OXNAD1: variants seen among roughly 807,000 people sequenced by gnomAD.
The protein encoded by OXNAD1 is oxidoreductase NAD binding domain containing 1, also known as oxidoreductase NAD-binding domain-containing protein 1.
A neutral mutation model predicts 32.9 loss-of-function variants in OXNAD1; 34 were observed. That is an observed-to-expected ratio of 1.03 (90% confidence interval 0.79 to 1.38). OXNAD1 has a LOEUF of 1.38. Ranked by LOEUF, OXNAD1 falls within the 40% of genes most tolerant of loss-of-function variation. The probability of loss-of-function intolerance (pLI) is 0.00; values close to 1 mark genes in which losing one functional copy is unlikely to be tolerated. For synonymous variants in OXNAD1, 134 were observed against 135.2 expected, an observed-to-expected ratio of 0.99 and a Z score of 0.06; for missense variants, 407 against 379.4, an observed-to-expected ratio of 1.07 and a Z score of -0.60.
intron 9 of OXNAD1, among the ~76,000 whole-genome samples, chr3:16,331,701 G>C (rs997676656): frequency 4.6e-5 from 7 of 152,052 alleles, no homozygotes; most frequent in Admixed American, 3.3e-4. Context: ...CTCTAATCTG[G>C]TCTGGCTGCT....
intron 6 of OXNAD1, among the ~76,000 whole-genome samples, chr3:16,300,635 A>T (rs1444093942): frequency 3.3e-5 from 5 of 152,198 alleles, no homozygotes; most frequent in Non-Finnish European, 7.4e-5. Context: ...ATTGTAGATA[A>T]TGGTGTGCTG....
chr3:16,318,837 CT>C (rs997973112), intron 9 of OXNAD1, among the ~76,000 whole-genome samples: 2 of 152,210 alleles, frequency 1.3e-5, no homozygotes, highest in Non-Finnish European at 2.9e-5. Flanking sequence ...ACAGACTTCC[CT>C]TAGGAGATGG....
At chr3:16,324,104 T>C (rs1164089741) in intron 9 of OXNAD1, among the ~76,000 whole-genome samples, 1 of 151,886 alleles carries the variant, frequency 6.6e-6, no homozygotes. Context: ...AGAAGATCAC[T>C]GTTTTTTTTT....
chr3:16,271,528 A>G lies in OXNAD1; in HGVS notation c.120-131A>G, dbSNP rs2064941664. ...CAAAACTTTAGTTAGACGGGCAGAT[A>G]CTCACTGGCCATTTTATAGGATCTG... On this transcript the variant is annotated intron_variant, in intron 3 of 8. Coordinates refer to ENST00000285083, the MANE Select transcript of OXNAD1 (RefSeq NM_138381.5). The surrounding 1 kb of genome is among the most constrained non-coding windows in gnomAD (Gnocchi z 4.6). The G allele has an allele frequency of 4.1e-6, 3 of 739,476 alleles. No homozygotes were observed. The highest frequency in any genetic ancestry group is 6.2e-6 in the Non-Finnish European group (3 of 483,338). The allele number at this position is 739,476 out of a possible 1,614,324, so 45.8% of individuals were successfully genotyped here.
chr3:16,340,792 G>A (rs758836515), downstream of OXNAD1, among the ~76,000 whole-genome samples: 13 of 152,186 alleles, frequency 8.5e-5, no homozygotes, highest in South Asian at 4.1e-4. Context: ...TCAAGGTGAA[G>A]TCAAAGGTGA....
intron 4 of OXNAD1, chr3:16,272,090 CTTT>C (rs763494963): frequency 4.2e-3 from 1,528 of 367,476 alleles, no homozygotes; most frequent in East Asian, 5.8e-3. Flanking sequence ...TGTGTGGGGT[CTTT>C]TTTTTTTTTT....
rs1238838349 is a variant in OXNAD1 at position 16,271,727 on chromosome 3, G to A, written c.183+5G>A. The A allele has an allele frequency of 6.2e-7, 1 of 1,605,528 alleles. No homozygotes were observed. Among genetic ancestry groups the A allele is most frequent in the South Asian group, 1.1e-5 (1 of 89,158 alleles). ...GCAAGTGTCCTTCGACGGGAGGTTTGTATCTTTGGGGTATGACAGGTTTTT... is the reference window on the plus strand; with the variant it reads ...GCAAGTGTCCTTCGACGGGAGGTTTATATCTTTGGGGTATGACAGGTTTTT... On this transcript the variant is annotated splice_donor_5th_base_variant and intron_variant, in intron 4 of 8. Coordinates refer to ENST00000285083, the MANE Select transcript of OXNAD1 (RefSeq NM_138381.5). This position sits in a 1 kb window ranked among gnomAD's most constrained non-coding sequence, Gnocchi z 4.6.
chr3:16,335,122 G>A lies in OXNAD1; in HGVS notation c.*31-1990G>A, dbSNP rs536580977. Among the ~76,000 whole-genome samples, 2 of 152,316 alleles carry A rather than the reference G, an allele frequency of 1.3e-5. No homozygotes were observed. The highest frequency in any genetic ancestry group is 1.9e-4 in the East Asian group (1 of 5,186). On this transcript the variant is annotated intron_variant, in intron 9 of 9. Coordinates refer to the OXNAD1 transcript ENST00000435829. The surrounding 1 kb of genome is among the most constrained non-coding windows in gnomAD (Gnocchi z 4.7). ...AACAAATGTAAGACAATAAACTTGC[G>A]TTGTTTTAAGTCACTAAATCTGTGA...
rs749640959 is a variant in OXNAD1 at position 16,298,509 on chromosome 3, T to C, written c.433-3117T>C. Among the ~76,000 whole-genome samples, 20 of 152,190 alleles carry C rather than the reference T, an allele frequency of 1.3e-4. No homozygotes were observed. The highest frequency in any genetic ancestry group is 2.5e-4 in the Non-Finnish European group (17 of 68,032). The stretch of plus-strand genomic sequence containing the variant: ...ATCCTAATTGTAGTGCCTGCTCTAC[T>C]CTGCCCAGTGGGAGTTGCAAACAGC... On this transcript the variant is annotated intron_variant, in intron 6 of 8. Transcript: ENST00000285083. The surrounding 1 kb of genome is among the most constrained non-coding windows in gnomAD (Gnocchi z 5.1).
chr3:16,269,326 G>C, intron 2 of OXNAD1, 51 bp downstream of exon 2: 1 of 1,517,740 alleles, frequency 6.6e-7, no homozygotes, highest in Admixed American at 2.0e-5. Context: ...TATTGACTTA[G>C]AACATTTAAT....
At chr3:16,331,939 T>C (rs991480074) in intron 9 of OXNAD1, among the ~76,000 whole-genome samples, 1 of 152,258 alleles carries the variant, frequency 6.6e-6, no homozygotes, top group South Asian at 2.1e-4. Flanking sequence ...TGAAAGTACC[T>C]CTAGTAGTTT....
In OXNAD1 at chr3:16,335,444, G is replaced by A. The variant is rs1042748565; in HGVS notation, c.*31-1668G>A. On this transcript the variant is annotated intron_variant, in intron 9 of 9. Coordinates refer to the OXNAD1 transcript ENST00000435829. This position sits in a 1 kb window ranked among gnomAD's most constrained non-coding sequence, Gnocchi z 4.7. ...ATGCTATGCAGCCTTAAAAAGGAAC[G>A]AATCACGTCCTTTGTGGGGACATGG... Among the ~76,000 whole-genome samples the A allele has an allele frequency of 1.4e-4, 22 of 152,328 alleles. No individual in the cohort carries two copies. The highest frequency in any genetic ancestry group is 5.3e-4 in the African/African-American group (22 of 41,576).
At chr3:16,276,367 T>C in intron 4 of OXNAD1, 1 of 204,378 alleles carries the variant, frequency 4.9e-6, no homozygotes, top group South Asian at 7.4e-5. Context: ...GAAGGATCTT[T>C]TACTTGATTG....
Position 16,342,817 on chromosome 3 carries a change from C to T in OXNAD1, c.*31-6359C>T, listed in dbSNP as rs1575064000. 6.6e-6 allele frequency among the ~76,000 whole-genome samples: 1 copy of T among 152,174 alleles called. No individual in the cohort carries two copies. The highest frequency in any genetic ancestry group is 1.5e-5 in the Non-Finnish European group (1 of 68,022). The stretch of plus-strand genomic sequence containing the variant: ...AGTTGGAAGGGGTCAGGGTGGACCT[C>T]TAGTCCAGTGGCTGCTAGGCCTGGC... On this transcript the variant is annotated intron_variant, in intron 9 of 9. Transcript: ENST00000606098. The surrounding 1 kb of genome is among the most constrained non-coding windows in gnomAD (Gnocchi z 4.0).
intron 6 of OXNAD1, 83 bp downstream of exon 6, chr3:16,295,080 TA>T (rs1278968477): frequency 6.9e-7 from 1 of 1,447,326 alleles, no homozygotes; most frequent in African/African-American, 1.4e-5. Flanking sequence ...TTGATTCACC[TA>T]AGAAACCTGG....
In OXNAD1 at chr3:16,346,594, A is replaced by T. The variant is rs2071736220; in HGVS notation, c.*31-2582A>T. On this transcript the variant is annotated intron_variant, in intron 9 of 9. Coordinates refer to the OXNAD1 transcript ENST00000606098. The surrounding 1 kb of genome is among the most constrained non-coding windows in gnomAD (Gnocchi z 4.4). ...ATGGCCCAGGGCTTCTTCCTCACTG[A>T]CACCCCCCAGGCCTGGACAACCATG... Among the ~76,000 whole-genome samples, 1 of 152,026 alleles carries T rather than the reference A, an allele frequency of 6.6e-6. No homozygotes were observed. Among genetic ancestry groups the T allele is most frequent in the Non-Finnish European group, 1.5e-5 (1 of 67,992 alleles).
chr3:16,308,098 T>C (rs1271684372), downstream of OXNAD1, among the ~76,000 whole-genome samples: 1 of 152,202 alleles, frequency 6.6e-6, no homozygotes, highest in African/African-American at 2.4e-5. This position sits in a 1 kb window ranked among gnomAD's most constrained non-coding sequence, Gnocchi z 4.4. Flanking sequence ...AAAGGTTATC[T>C]TAGGAGCAAG....
At chr3:16,281,543 C>G (rs1214081488) in intron 4 of OXNAD1, among the ~76,000 whole-genome samples, 1 of 152,174 alleles carries the variant, frequency 6.6e-6, no homozygotes, top group Non-Finnish European at 1.5e-5. Context: ...CTAAACACTT[C>G]CGGTCCAAGC....
intron 1 of OXNAD1, among the ~76,000 whole-genome samples, chr3:16,267,238 T>G (rs1360695366): frequency 6.6e-6 from 1 of 152,196 alleles, no homozygotes; most frequent in Non-Finnish European, 1.5e-5. Flanking sequence ...CTTATTATAA[T>G]CTTAGACCAG....
Sources: gnomAD v4.1 joint callset for allele counts (sites outside exome capture counted in the v4.1 genomes callset) on GRCh38, gnomAD v4.1.1 for gene constraint, Gnocchi (gnomAD v3.1) non-coding constraint, MANE v1.5 for transcripts, NCBI Gene and HGNC (gene_info 2026-07-23, HGNC 2026-07-21) for gene names.